Variants in CACNA2D1 observed in about 807,000 individuals in gnomAD.
The protein encoded by CACNA2D1 is voltage-dependent calcium channel subunit alpha-2/delta-1.
In CACNA2D1, 53 loss-of-function variants were observed where a neutral mutation model predicts 171.5. The observed-to-expected ratio is 0.31, with a 90% CI of 0.25 to 0.39. CACNA2D1 has a LOEUF of 0.39. Among genes scored for constraint, CACNA2D1 ranks in the 10% least tolerant of loss-of-function variants. CACNA2D1 has a pLI of 1.00. For synonymous variants in CACNA2D1, 442 were observed against 443.1 expected (o/e 1.00, Z 0.03); for missense variants, 903 against 1,299.8 (o/e 0.69, Z 4.69).
At chr7:82,125,802 G>C (rs140812608) in intron 5 of CACNA2D1, among the ~76,000 whole-genome samples, 1 of 152,192 alleles carries the variant, frequency 6.6e-6, no homozygotes, top group Non-Finnish European at 1.5e-5. Flanking sequence ...AATGTGTTTT[G>C]AGCATTTAAC....
chr7:82,046,429 T>C (rs557316162), intron 10 of CACNA2D1, among the ~76,000 whole-genome samples: 81 of 152,250 alleles, frequency 5.3e-4, no homozygotes, highest in African/African-American at 1.6e-3. Context: ...GTTTCCTTGG[T>C]CCATTGTATA....
intron 3 of CACNA2D1, among the ~76,000 whole-genome samples, chr7:82,293,082 G>A (rs1811854729): frequency 6.6e-6 from 1 of 151,386 alleles, no homozygotes; most frequent in African/African-American, 2.4e-5. Context: ...TTTTTTCTAG[G>A]AGAGTCTCCT....
intron 20 of CACNA2D1, 150 bp from the exon 21 acceptor site, chr7:81,991,396 T>A (rs1452792729): frequency 7.7e-6 from 4 of 520,526 alleles, no homozygotes; most frequent in African/African-American, 7.6e-5. Flanking sequence ...TATTTATTTA[T>A]TTTCTGGGTG....
intron 12 of CACNA2D1, among the ~76,000 whole-genome samples, chr7:82,027,029 G>A (rs886247215): frequency 5.9e-5 from 9 of 151,620 alleles, no homozygotes; most frequent in Non-Finnish European, 8.9e-5. Flanking sequence ...AGATAGAGAA[G>A]AGAATAGTGG....
rs190846341 is a variant in CACNA2D1, at chr7:82,028,958, A to C, written c.1143+3839T>G. ...ATTAGATGAACTTATTTGATAAAGC[A>C]GTGCCAGGGTTTGAGAGAAATGACT... On this transcript the variant is annotated intron_variant, in intron 12 of 38. Transcript: ENST00000356860. 475 of 152,028 alleles carry C rather than the reference A, an allele frequency of 3.1e-3. 1 individual carries two copies. Among genetic ancestry groups the C allele is most frequent in the Middle Eastern group, 0.014 (4 of 294 alleles). 9.4% of individuals were successfully genotyped at this position (152,028 alleles called of 1,614,324 possible). A position where few individuals can be genotyped will look rare whatever the true frequency, so the allele number is the denominator to read the frequency against.
At chr7:82,283,077 T>G (rs138684413) in intron 3 of CACNA2D1, among the ~76,000 whole-genome samples, 1 of 152,256 alleles carries the variant, frequency 6.6e-6, no homozygotes, top group East Asian at 1.9e-4. Flanking sequence ...TACAATGTAT[T>G]ATAAGAAATC....
chr7:82,338,600 A>G (rs1413201991), intron 2 of CACNA2D1, among the ~76,000 whole-genome samples: 3 of 152,328 alleles, frequency 2.0e-5, no homozygotes, highest in African/African-American at 4.8e-5. Context: ...ATATACATTT[A>G]ATTAACCATT....
intron 21 of CACNA2D1, among the ~76,000 whole-genome samples, chr7:81,985,672 C>T (rs1249038394): frequency 7.9e-5 from 12 of 152,076 alleles, no homozygotes. Context: ...AATAGTAAAA[C>T]TAAGTCATAG....
chr7:82,048,848 C>T (rs1328486009), intron 10 of CACNA2D1, among the ~76,000 whole-genome samples: 2 of 152,038 alleles, frequency 1.3e-5, no homozygotes, highest in East Asian at 3.9e-4. Context: ...TACTCACATA[C>T]ATGACATCTT....
intron 1 of CACNA2D1, among the ~76,000 whole-genome samples, chr7:82,428,628 C>A (rs1379646556): frequency 6.6e-6 from 1 of 152,150 alleles, no homozygotes; most frequent in Admixed American, 6.5e-5. Context: ...AAAGAACTAA[C>A]ACTTTTCACC....
intron 18 of CACNA2D1, among the ~76,000 whole-genome samples, chr7:81,997,801 T>C (rs1562843955): frequency 6.6e-6 from 1 of 151,992 alleles, no homozygotes; most frequent in Non-Finnish European, 1.5e-5. Flanking sequence ...TATTTCAATC[T>C]AAGAAATTTT....
At chr7:82,412,735 A>G (rs1007628126) in intron 1 of CACNA2D1, among the ~76,000 whole-genome samples, 2 of 151,834 alleles carry the variant, frequency 1.3e-5, no homozygotes, top group African/African-American at 4.8e-5. Flanking sequence ...CGATCTGATC[A>G]GAAAATCATC....
intron 5 of CACNA2D1, among the ~76,000 whole-genome samples, chr7:82,128,588 T>A (rs961108981): frequency 6.6e-6 from 1 of 152,184 alleles, no homozygotes; most frequent in African/African-American, 2.4e-5. Flanking sequence ...CCATGCATCA[T>A]CATTATAATG....
chr7:82,328,831 A>G (rs1816947931), intron 3 of CACNA2D1, among the ~76,000 whole-genome samples: 1 of 152,140 alleles, frequency 6.6e-6, no homozygotes, highest in African/African-American at 2.4e-5. Flanking sequence ...CCTTAACACT[A>G]CAGTCTTTAT....
chr7:81,964,827 C>A (rs1260303683), intron 32 of CACNA2D1, among the ~76,000 whole-genome samples: 1 of 151,848 alleles, frequency 6.6e-6, no homozygotes, highest in Non-Finnish European at 1.5e-5. Flanking sequence ...AAAAGGTTAA[C>A]AACCTGAGAT....
At chr7:82,443,911 GAGAC>G (rs1221310885), upstream of CACNA2D1, 1 of 345,720 alleles carries the variant, frequency 2.9e-6, no homozygotes, top group Non-Finnish European at 5.2e-6. Flanking sequence ...GGCAGGCAGA[GAGAC>G]TTGTGGAAGC....
intron 3 of CACNA2D1, among the ~76,000 whole-genome samples, chr7:82,264,669 T>C (rs1413901622): frequency 6.6e-6 from 1 of 152,214 alleles, no homozygotes; most frequent in Non-Finnish European, 1.5e-5. Flanking sequence ...AGGGAAAGCA[T>C]ATCAGTTGAA....
At chr7:82,223,058 CA>C (rs1163024493) in intron 3 of CACNA2D1, among the ~76,000 whole-genome samples, 4 of 151,856 alleles carry the variant, frequency 2.6e-5, no homozygotes, top group Non-Finnish European at 5.9e-5. Context: ...CACATGTCAC[CA>C]CACCCAGCTA....
At chr7:82,088,545 T>A (rs1563027986) in intron 6 of CACNA2D1, among the ~76,000 whole-genome samples, 1 of 152,162 alleles carries the variant, frequency 6.6e-6, no homozygotes, top group African/African-American at 2.4e-5. Context: ...TATGTCATAA[T>A]CTTTATTTGA....
Sources: allele counts gnomAD v4.1 joint callset (sites outside exome capture counted in the v4.1 genomes callset), GRCh38; gene constraint gnomAD v4.1.1; transcripts MANE v1.5; gene names NCBI Gene and HGNC (gene_info 2026-07-23, HGNC 2026-07-21).